NR3C2: variants seen among roughly 807,000 people sequenced by gnomAD.
NR3C2 encodes the protein nuclear receptor subfamily 3 group C member 2.
NR3C2 carries 15 observed loss-of-function variants against 86.4 expected under a neutral mutation model. That is an observed-to-expected ratio of 0.17 (90% CI 0.12 to 0.27). The LOEUF (loss-of-function observed/expected upper bound fraction) is 0.27. Among genes scored for constraint, NR3C2 ranks in the 10% least tolerant of loss-of-function variants. The pLI is 1.00. For synonymous variants in NR3C2, 458 were observed against 450.5 expected, an observed-to-expected ratio of 1.02 and a Z score of -0.21; for missense variants, 960 against 1,195.6, an observed-to-expected ratio of 0.80 and a Z score of 2.91.
At chr4:148,130,563 G>A (rs940780350) in intron 6 of NR3C2, among the ~76,000 whole-genome samples, 11 of 152,038 alleles carry the variant, frequency 7.2e-5, no homozygotes, top group Non-Finnish European at 1.3e-4. Context: ...TGGATAGTGG[G>A]GTGCATATCT....
chr4:148,216,648 A>G (rs1322492442), intron 3 of NR3C2, among the ~76,000 whole-genome samples: 1 of 152,234 alleles, frequency 6.6e-6, no homozygotes, highest in African/African-American at 2.4e-5. Flanking sequence ...AATTTATTAA[A>G]TCAGACATGG....
intron 2 of NR3C2, among the ~76,000 whole-genome samples, chr4:148,428,463 T>C (rs2126632468): frequency 6.6e-6 from 1 of 152,220 alleles, no homozygotes. Flanking sequence ...GCACAATACA[T>C]AATTCTGAAC....
In NR3C2 at chr4:148,229,156, A is replaced by G. The variant is rs76365890; in HGVS notation, c.1897+30822T>C. 7.6e-3 allele frequency among the ~76,000 whole-genome samples: 1,157 copies of G among 152,278 alleles called. 10 individuals are homozygous for G. Among genetic ancestry groups the G allele is most frequent in the African/African-American group, 0.025 (1,031 of 41,560 alleles). On this transcript the variant is annotated intron_variant, in intron 3 of 8. Transcript: ENST00000358102. ...AGGCAGATAAGGGAACCTGCACAGG[A>G]TCTCACCCAGGCATGCCCGCAATGA...
intron 2 of NR3C2, among the ~76,000 whole-genome samples, chr4:148,344,364 C>T (rs1387433156): frequency 6.6e-6 from 1 of 152,080 alleles, no homozygotes; most frequent in African/African-American, 2.4e-5. Context: ...AACATAGAGA[C>T]AGGATGGCTG....
intron 8 of NR3C2, among the ~76,000 whole-genome samples, chr4:148,095,225 C>T (rs1731227908): frequency 6.6e-6 from 1 of 150,436 alleles, no homozygotes; most frequent in Non-Finnish European, 1.5e-5. Context: ...AACCCCCAAC[C>T]TGCTCCCAGT....
intron 2 of NR3C2, among the ~76,000 whole-genome samples, chr4:148,426,938 C>A (rs1749564979): frequency 1.3e-5 from 2 of 151,872 alleles, no homozygotes; most frequent in African/African-American, 2.4e-5. Context: ...CTATTATTGA[C>A]CTCTTCATTT....
intron 2 of NR3C2, among the ~76,000 whole-genome samples, chr4:148,366,686 A>C (rs969302512): frequency 6.6e-6 from 1 of 152,132 alleles, no homozygotes; most frequent in African/African-American, 2.4e-5. Flanking sequence ...CAAATCATCA[A>C]AAATTCTGCT....
chr4:148,367,477 T>C (rs1746205326), intron 2 of NR3C2, among the ~76,000 whole-genome samples: 1 of 152,158 alleles, frequency 6.6e-6, no homozygotes, highest in South Asian at 2.1e-4. Context: ...AAAATTCAGC[T>C]TGGGTTGAAT....
At chr4:148,228,649 T>C (rs750484861) in intron 3 of NR3C2, among the ~76,000 whole-genome samples, 2 of 152,196 alleles carry the variant, frequency 1.3e-5, no homozygotes, top group African/African-American at 4.8e-5. Flanking sequence ...TTTTGGTAAG[T>C]GGAGTTTTAA....
At chr4:148,284,675 G>A (rs1040136046) in intron 2 of NR3C2, among the ~76,000 whole-genome samples, 17 of 152,134 alleles carry the variant, frequency 1.1e-4, no homozygotes, top group African/African-American at 3.9e-4. Context: ...TGTGAGCCAA[G>A]CTTTATGTTA....
chr4:148,303,491 A>G (rs1452415367), intron 2 of NR3C2, among the ~76,000 whole-genome samples: 2 of 152,200 alleles, frequency 1.3e-5, no homozygotes, highest in Admixed American at 6.5e-5. Flanking sequence ...ACCAAGCATA[A>G]CTACAGCCAC....
intron 1 of NR3C2, among the ~76,000 whole-genome samples, chr4:148,438,085 A>G (rs1187841888): frequency 6.6e-6 from 1 of 152,220 alleles, no homozygotes; most frequent in Admixed American, 6.5e-5. Flanking sequence ...GGCACCAGAC[A>G]CACAACCAAG....
At chr4:148,104,336 G>GTTTGTTTTGTTTTC (rs1731683024) in intron 8 of NR3C2, among the ~76,000 whole-genome samples, 1 of 80,230 alleles carries the variant, frequency 1.2e-5, no homozygotes, top group South Asian at 4.1e-4. Flanking sequence ...TTTGTGTTTT[G>GTTTGTTTTGTTTTC]GTTTGGTTTT....
chr4:148,414,947 A>G (rs1488502369), intron 2 of NR3C2, among the ~76,000 whole-genome samples: 4 of 152,260 alleles, frequency 2.6e-5, no homozygotes, highest in Non-Finnish European at 5.9e-5. Context: ...GGTTATTAAC[A>G]AAAGTATTTT....
upstream of NR3C2, among the ~76,000 whole-genome samples, chr4:148,443,222 CAAAAAAAAAAAAAAAAAA>C (rs59506438): frequency 3.2e-4 from 13 of 40,962 alleles, no homozygotes; most frequent in African/African-American, 6.3e-4. Flanking sequence ...CCCCTAACAC[CAAAAAAAAAAAAAAAAAA>C]AAAAAAAAAA....
chr4:148,192,114 G>C (rs1304417264), intron 4 of NR3C2, among the ~76,000 whole-genome samples: 2 of 152,170 alleles, frequency 1.3e-5, no homozygotes, highest in Admixed American at 1.3e-4. Flanking sequence ...ATTTGTGCAG[G>C]CTCTGTCAGA....
chr4:148,373,104 T>C (rs1001007807), intron 2 of NR3C2, among the ~76,000 whole-genome samples: 1 of 152,212 alleles, frequency 6.6e-6, no homozygotes, highest in African/African-American at 2.4e-5. Context: ...TCCTCCTGAA[T>C]AACTTTTATT....
chr4:148,363,747 C>T (rs949329007), intron 2 of NR3C2, among the ~76,000 whole-genome samples: 1 of 152,202 alleles, frequency 6.6e-6, no homozygotes. Flanking sequence ...TTGTGATCCA[C>T]CCGCCTTGGC....
chr4:148,326,146 T>C (rs926877997), intron 2 of NR3C2, among the ~76,000 whole-genome samples: 2 of 151,938 alleles, frequency 1.3e-5, no homozygotes, highest in South Asian at 2.1e-4. Flanking sequence ...ATCCAAGCAC[T>C]TTGGGAGGCT....
Sources: allele counts gnomAD v4.1 joint callset (sites outside exome capture counted in the v4.1 genomes callset), GRCh38; gene constraint gnomAD v4.1.1; transcripts MANE v1.5; gene names NCBI Gene and HGNC (gene_info 2026-07-23, HGNC 2026-07-21).